The following KIF26B variants were observed in gnomAD, a reference collection of about 807,000 sequenced individuals.
KIF26B encodes the protein kinesin-like protein KIF26B.
KIF26B carries 63 observed loss-of-function variants against 151.2 expected under a neutral mutation model. That is an observed-to-expected ratio of 0.42 (90% CI 0.34 to 0.51). The LOEUF (loss-of-function observed/expected upper bound fraction) is 0.51. Among genes scored for constraint, KIF26B ranks in the 20% least tolerant of loss-of-function variants. The probability of loss-of-function intolerance (pLI) is 0.07; values close to 1 mark genes in which losing one functional copy is unlikely to be tolerated. For missense variants in KIF26B, 2,813 were observed against 2,913.6 expected (o/e 0.97, Z 0.79); for synonymous variants, 1,357 against 1,262.1 (o/e 1.08, Z -1.59).
intron 4 of KIF26B, among the ~76,000 whole-genome samples, chr1:245,476,532 TTAC>T (rs1443471360): frequency 1.1e-3 from 33 of 31,120 alleles, no homozygotes; most frequent in East Asian, 4.6e-3. Flanking sequence ...ATTTATTTAC[TTAC>T]TTACTTACTT....
intron 2 of KIF26B, among the ~76,000 whole-genome samples, chr1:245,317,191 AG>A (rs1285924613): frequency 6.6e-6 from 1 of 152,246 alleles, no homozygotes; most frequent in Middle Eastern, 3.2e-3. Context: ...GCTAGAATTT[AG>A]TTCTCTTCCC....
At chr1:245,283,219 T>G (rs1364969730) in intron 2 of KIF26B, 1 of 157,458 alleles carries the variant, frequency 6.4e-6, no homozygotes, top group Non-Finnish European at 1.4e-5. Flanking sequence ...TCCGCACAAG[T>G]CCACCGACAG....
intron 4 of KIF26B, among the ~76,000 whole-genome samples, chr1:245,532,208 G>A (rs1346215588): frequency 6.6e-6 from 1 of 150,678 alleles, no homozygotes; most frequent in Non-Finnish European, 1.5e-5. Context: ...TTGAAGCATA[G>A]GAAAATTCTT....
intron 2 of KIF26B, among the ~76,000 whole-genome samples, chr1:245,198,249 A>T (rs1348381841): frequency 6.6e-6 from 1 of 152,236 alleles, no homozygotes; most frequent in Non-Finnish European, 1.5e-5. Flanking sequence ...AGACAGCCTG[A>T]GTTCAAATTC....
chr1:245,557,442 T>C (rs1662067210), intron 5 of KIF26B, among the ~76,000 whole-genome samples: 1 of 152,214 alleles, frequency 6.6e-6, no homozygotes, highest in Non-Finnish European at 1.5e-5. Flanking sequence ...TCAGTTTTTC[T>C]GGGCCTGAAC....
At chr1:245,444,090 GCGGT>G (rs1461502980) in intron 4 of KIF26B, among the ~76,000 whole-genome samples, 8 of 137,448 alleles carry the variant, frequency 5.8e-5, no homozygotes, top group African/African-American at 1.8e-4. Flanking sequence ...TGTTCACCCT[GCGGT>G]CATCTCCCTC....
chr1:245,428,515 A>C (rs1308058528), intron 4 of KIF26B, among the ~76,000 whole-genome samples: 1 of 152,114 alleles, frequency 6.6e-6, no homozygotes, highest in Non-Finnish European at 1.5e-5. Context: ...AACATGCCTA[A>C]AACACCTCAA....
chr1:245,697,877 A>G lies in KIF26B; in HGVS notation c.5825-229A>G, dbSNP rs553657193. Among the ~76,000 whole-genome samples the G allele has an allele frequency of 2.0e-5, 3 of 152,034 alleles. No homozygotes were observed. In the South Asian group the frequency reaches 6.3e-4, roughly 32 times the overall value. On this transcript the variant is annotated intron_variant, in intron 12 of 14. Coordinates refer to ENST00000407071, the MANE Select transcript of KIF26B (RefSeq NM_018012.4). ...CAATATAGCAAGATGTCGTCTCTCAAAAAAAAACATTTAATTAGCTGGGTG... is the reference window on the plus strand; with the variant it reads ...CAATATAGCAAGATGTCGTCTCTCAGAAAAAAACATTTAATTAGCTGGGTG...
At position 245,339,980 on chromosome 1, in the gene KIF26B, C is replaced by T. The variant is rs1295719532; in HGVS notation, c.466-26854C>T. On this transcript the variant is annotated intron_variant, in intron 2 of 14. Transcript: ENST00000407071. ...CCCCAGGCCCAGGGGTTTGAACAAC[C>T]TCCCTACCTTCTGGAAACCCATTTC... 3.3e-5 allele frequency among the ~76,000 whole-genome samples: 5 copies of T among 152,228 alleles called. No homozygotes were observed. The East Asian group carries it at 7.7e-4, about 23-fold the overall frequency.
At chr1:245,338,980 T>C (rs1203315596) in intron 2 of KIF26B, among the ~76,000 whole-genome samples, 1 of 69,200 alleles carries the variant, frequency 1.4e-5, no homozygotes. Flanking sequence ...ATTTTGCTTT[T>C]AGGGTTTTTT....
chr1:245,213,610 G>A (rs557036451), intron 2 of KIF26B, among the ~76,000 whole-genome samples: 54 of 152,342 alleles, frequency 3.5e-4, no homozygotes, highest in African/African-American at 1.0e-3. Context: ...TTCTGTGTTA[G>A]GAGCAGAGCC....
At position 245,687,022 on chromosome 1, in the gene KIF26B, G is replaced by A. The variant is rs2044535868; in HGVS notation, c.4039G>A (p.Gly1347Arg). The A allele has an allele frequency of 4.3e-6, 7 of 1,613,334 alleles. No homozygotes were observed. Among genetic ancestry groups the A allele is most frequent in the African/African-American group, 1.3e-5 (1 of 74,898 alleles). Residue 1347 changes from glycine to arginine, a missense_variant, in exon 12 of 15, where the codon GGA (glycine) becomes AGA (arginine). Gly to Arg is a moderately radical substitution (Grantham distance 125). Around this residue, in one of 3 missense-constraint regions of KIF26B, gnomAD observed 2,060 missense variants for 2,088.6 expected, o/e 0.99. Coordinates refer to ENST00000407071, the MANE Select transcript of KIF26B (RefSeq NM_018012.4). This position sits in a 1 kb window ranked among gnomAD's most constrained non-coding sequence, Gnocchi z 4.9. ...PDNLLILSEM[G>R]DDSFNKAAPI... Reference sequence around the variant, plus strand: ...CAACTTGCTCATCCTGTCTGAGATGGGAGATGACTCTTTCAACAAAGCAGC... The same window carrying A: ...CAACTTGCTCATCCTGTCTGAGATGAGAGATGACTCTTTCAACAAAGCAGC...
At chr1:245,691,496 G>T (rs983641888) in intron 12 of KIF26B, among the ~76,000 whole-genome samples, 3 of 152,236 alleles carry the variant, frequency 2.0e-5, no homozygotes, top group African/African-American at 4.8e-5. Flanking sequence ...CTGGTTTCAG[G>T]TTAGGTGACC....
At chr1:245,267,282 TATAC>T (rs1421141812) in intron 2 of KIF26B, among the ~76,000 whole-genome samples, 1 of 152,240 alleles carries the variant, frequency 6.6e-6, no homozygotes, top group East Asian at 1.9e-4. Flanking sequence ...GCTGGTAGTG[TATAC>T]ATTCAGAATA....
At chr1:245,176,818 G>A (rs1216028513) in intron 2 of KIF26B, among the ~76,000 whole-genome samples, 1 of 152,198 alleles carries the variant, frequency 6.6e-6, no homozygotes, top group East Asian at 1.9e-4. Flanking sequence ...TATAACCTGG[G>A]ATGAAGCATT....
chr1:245,299,379 A>T (rs1388704576), intron 2 of KIF26B, among the ~76,000 whole-genome samples: 3 of 135,864 alleles, frequency 2.2e-5, no homozygotes, highest in African/African-American at 8.4e-5. Flanking sequence ...TTGTAAAAGG[A>T]TAAAGGATAA....
At chr1:245,539,689 G>T (rs1439442395) in intron 4 of KIF26B, among the ~76,000 whole-genome samples, 1 of 152,162 alleles carries the variant, frequency 6.6e-6, no homozygotes, top group African/African-American at 2.4e-5. Flanking sequence ...GTCTCACTCT[G>T]TCACCCAGCC....
At chr1:245,270,284 TCCTTC>T (rs1670833862) in intron 2 of KIF26B, among the ~76,000 whole-genome samples, 1 of 122,144 alleles carries the variant, frequency 8.2e-6, no homozygotes, top group South Asian at 2.7e-4. Flanking sequence ...TTTCCTTCTT[TCCTTC>T]CCTTCCCTTC....
At chr1:245,364,697 G>A (rs1294744780) in intron 2 of KIF26B, among the ~76,000 whole-genome samples, 3 of 152,146 alleles carry the variant, frequency 2.0e-5, no homozygotes, top group Non-Finnish European at 4.4e-5. Flanking sequence ...TGGGATTACA[G>A]GCATGAGCCA....
Sources: gnomAD v4.1 joint callset for allele counts (sites outside exome capture counted in the v4.1 genomes callset) on GRCh38, gnomAD v4.1.1 for gene constraint, gnomAD v4.1.1 regional missense constraint, Gnocchi (gnomAD v3.1) non-coding constraint, MANE v1.5 for transcripts, NCBI Gene and HGNC (gene_info 2026-07-23, HGNC 2026-07-21) for gene names.